Variants in PARN observed in about 807,000 individuals in gnomAD.
PARN encodes poly(A)-specific ribonuclease PARN.
Under a neutral mutation model 102.8 loss-of-function variants are expected in PARN, and 71 were observed. The ratio of observed to expected loss-of-function variants is 0.69; its 90% CI spans 0.57 to 0.84. The LOEUF (loss-of-function observed/expected upper bound fraction) is 0.84. Among genes scored for constraint, PARN ranks in the 40% least tolerant of loss-of-function variants. PARN has a pLI of 0.00. For missense variants in PARN, 782 were observed against 760.9 expected, an observed-to-expected ratio of 1.03 and a Z score of -0.33; for synonymous variants, 261 against 252.9, an observed-to-expected ratio of 1.03 and a Z score of -0.30.
intron 12 of PARN, 92 bp downstream of exon 12, chr16:14,599,812 A>G: frequency 1.3e-6 from 1 of 761,172 alleles, no homozygotes. Context: ...AACATTCTAA[A>G]GGAGATGAAA....
At chr16:14,446,100 C>A (rs1424631773) in intron 23 of PARN, among the ~76,000 whole-genome samples, 1 of 152,254 alleles carries the variant, frequency 6.6e-6, no homozygotes, top group Non-Finnish European at 1.5e-5. Context: ...CCGCCCCCTG[C>A]AGCAGGGAAT....
intron 18 of PARN, among the ~76,000 whole-genome samples, chr16:14,568,298 T>A (rs2151729905): frequency 6.6e-6 from 1 of 150,868 alleles, no homozygotes; most frequent in South Asian, 2.1e-4. Flanking sequence ...CCGCAGCCTC[T>A]GCCTCCCGGG....
intron 22 of PARN, among the ~76,000 whole-genome samples, chr16:14,472,581 G>A (rs1251479600): frequency 6.6e-6 from 1 of 152,206 alleles, no homozygotes; most frequent in East Asian, 1.9e-4. Context: ...GGGTTAGCAG[G>A]AAAAGCTCTC....
chr16:14,504,828 G>C (rs569766102), intron 21 of PARN, among the ~76,000 whole-genome samples: 4 of 152,294 alleles, frequency 2.6e-5, no homozygotes, highest in African/African-American at 7.2e-5. Context: ...TCGTTAAGCA[G>C]TACAGTTTCA....
intron 18 of PARN, among the ~76,000 whole-genome samples, chr16:14,570,537 C>T (rs545863429): frequency 1.3e-5 from 2 of 150,980 alleles, no homozygotes; most frequent in East Asian, 3.9e-4. Context: ...GTAGTCTCAG[C>T]TACTCAAGAG....
At chr16:14,502,792 T>C (rs1964690854) in intron 21 of PARN, among the ~76,000 whole-genome samples, 1 of 152,214 alleles carries the variant, frequency 6.6e-6, no homozygotes, top group South Asian at 2.1e-4. Flanking sequence ...TCCAGTGATA[T>C]TTCTTCAGGA....
At chr16:14,462,095 G>A (rs1325138392) in intron 22 of PARN, among the ~76,000 whole-genome samples, 2 of 152,276 alleles carry the variant, frequency 1.3e-5, no homozygotes. Context: ...AACTAACCTG[G>A]TGACTGAAAT....
chr16:14,486,386 C>A (rs1218591564), intron 21 of PARN, among the ~76,000 whole-genome samples: 1 of 152,156 alleles, frequency 6.6e-6, no homozygotes, highest in Non-Finnish European at 1.5e-5. Flanking sequence ...AAATCCTTCT[C>A]TCAAGTTTAA....
chr16:14,619,342 G>C (rs1444963795), intron 5 of PARN, among the ~76,000 whole-genome samples: 6 of 152,150 alleles, frequency 3.9e-5, no homozygotes, highest in Non-Finnish European at 8.8e-5. Flanking sequence ...GCTCACACCT[G>C]TAATCCCAGC....
intron 21 of PARN, among the ~76,000 whole-genome samples, chr16:14,511,276 T>C (rs1965176634): frequency 6.6e-6 from 1 of 152,170 alleles, no homozygotes; most frequent in Non-Finnish European, 1.5e-5. Flanking sequence ...AGGTCAAGGA[T>C]GAGATAGCTT....
intron 21 of PARN, among the ~76,000 whole-genome samples, chr16:14,542,254 C>A (rs1191534145): frequency 6.6e-6 from 1 of 151,980 alleles, no homozygotes; most frequent in Admixed American, 6.6e-5. Flanking sequence ...AATCTTCCCT[C>A]CTTTGCCTCT....
chr16:14,552,595 T>A (rs761016492), intron 20 of PARN, among the ~76,000 whole-genome samples: 15 of 152,112 alleles, frequency 9.9e-5, no homozygotes, highest in Non-Finnish European at 2.1e-4. Flanking sequence ...CCCACCTCAG[T>A]GTCCCAAGTA....
intron 21 of PARN, among the ~76,000 whole-genome samples, chr16:14,539,063 T>A (rs1396470925): frequency 6.6e-6 from 1 of 152,206 alleles, no homozygotes; most frequent in Non-Finnish European, 1.5e-5. Context: ...AATTATTTCA[T>A]TATTACAATG....
At chr16:14,552,185 T>G in intron 20 of PARN, 90 bp from the exon 21 acceptor site, 1 of 791,218 alleles carries the variant, frequency 1.3e-6, no homozygotes, top group Non-Finnish European at 2.1e-6. Flanking sequence ...TTCAGTATAG[T>G]CTATCTTTAA....
chr16:14,592,732 T>C (rs186661889), intron 13 of PARN, among the ~76,000 whole-genome samples: 1 of 152,346 alleles, frequency 6.6e-6, no homozygotes, highest in Non-Finnish European at 1.5e-5. Context: ...AGCCCACACC[T>C]GTGGCCTGGG....
chr16:14,497,706 T>C (rs1007668132), intron 21 of PARN, among the ~76,000 whole-genome samples: 8 of 152,172 alleles, frequency 5.3e-5, no homozygotes, highest in African/African-American at 1.9e-4. Context: ...GCTTAGTCTG[T>C]TTGTGTATAA....
intron 21 of PARN, among the ~76,000 whole-genome samples, chr16:14,517,495 G>A (rs1596555818): frequency 6.6e-6 from 1 of 152,132 alleles, no homozygotes; most frequent in Non-Finnish European, 1.5e-5. Flanking sequence ...ATGGAATTAT[G>A]GGAAACAGGT....
At chr16:14,551,857 T>C (rs1392183862) in intron 21 of PARN, among the ~76,000 whole-genome samples, 164 bp downstream of exon 21, 2 of 152,210 alleles carry the variant, frequency 1.3e-5, no homozygotes, top group African/African-American at 2.4e-5. Context: ...CATCTATACA[T>C]GATACTTACT....
chr16:14,498,657 G>T (rs1300562142), intron 21 of PARN, among the ~76,000 whole-genome samples: 2 of 152,078 alleles, frequency 1.3e-5, no homozygotes, highest in Non-Finnish European at 2.9e-5. Context: ...ATGGAGCCCT[G>T]TGCCTGTGCT....
Sources: allele counts gnomAD v4.1 joint callset (sites outside exome capture counted in the v4.1 genomes callset), GRCh38; gene constraint gnomAD v4.1.1; transcripts MANE v1.5; gene names NCBI Gene and HGNC (gene_info 2026-07-23, HGNC 2026-07-21).